STK39: variants seen among roughly 807,000 people sequenced by gnomAD.
STK39 encodes serine/threonine kinase 39, also known as STE20/SPS1-related proline-alanine-rich protein kinase.
Under a neutral mutation model 77.8 loss-of-function variants are expected in STK39, and 20 were observed. The ratio of observed to expected loss-of-function variants is 0.26; its 90% CI spans 0.18 to 0.37. The LOEUF is 0.37. Among genes scored for constraint, STK39 ranks in the 10% least tolerant of loss-of-function variants. The probability of loss-of-function intolerance (pLI) is 1.00; values close to 1 mark genes in which losing one functional copy is unlikely to be tolerated. For missense variants in STK39, 479 were observed against 656.5 expected (o/e 0.73, Z 2.95); for synonymous variants, 246 against 234.1 (o/e 1.05, Z -0.47).
intron 2 of STK39, 21 bp from the exon 3 acceptor site, chr2:168,167,428 G>T: frequency 6.2e-7 from 1 of 1,604,696 alleles, no homozygotes; most frequent in South Asian, 1.1e-5. Flanking sequence ...AGCAAAACAT[G>T]ACATAGTACC....
At chr2:168,051,512 G>C (rs1305534611) in intron 14 of STK39, among the ~76,000 whole-genome samples, 1 of 152,156 alleles carries the variant, frequency 6.6e-6, no homozygotes, top group Non-Finnish European at 1.5e-5. Context: ...GAAGACACGA[G>C]AGTCCCCAAA....
intron 16 of STK39, among the ~76,000 whole-genome samples, chr2:167,967,211 T>C (rs982158100): frequency 6.6e-6 from 1 of 152,214 alleles, no homozygotes; most frequent in Non-Finnish European, 1.5e-5. Context: ...CCTCTTGGTT[T>C]TCCCAAATAA....
At chr2:168,225,299 T>C (rs1156986962) in intron 1 of STK39, among the ~76,000 whole-genome samples, 3 of 66,730 alleles carry the variant, frequency 4.5e-5, no homozygotes, top group Admixed American at 1.2e-4. Context: ...CTGATAAAAC[T>C]ATCAAATACA....
intron 7 of STK39, among the ~76,000 whole-genome samples, chr2:168,139,485 G>A (rs1008094259): frequency 2.0e-5 from 3 of 150,948 alleles, no homozygotes; most frequent in African/African-American, 2.5e-5. Flanking sequence ...ATGAGATTAC[G>A]GATGATTGTT....
At chr2:167,962,283 T>C (rs1692004912) in intron 17 of STK39, among the ~76,000 whole-genome samples, 2 of 152,216 alleles carry the variant, frequency 1.3e-5, no homozygotes, top group Non-Finnish European at 2.9e-5. Flanking sequence ...ACCAAGTTGA[T>C]GAATGAAGGT....
intron 16 of STK39, among the ~76,000 whole-genome samples, chr2:167,988,348 G>A (rs58570538): frequency 0.031 from 4,790 of 152,134 alleles, 243 homozygotes; most frequent in East Asian, 0.21. Flanking sequence ...CCCAAATAGT[G>A]AACCGAGAGA....
intron 10 of STK39, among the ~76,000 whole-genome samples, chr2:168,080,069 AT>A (rs1686187377): frequency 6.6e-6 from 1 of 152,210 alleles, no homozygotes; most frequent in Non-Finnish European, 1.5e-5. Flanking sequence ...ATCACTTAAA[AT>A]AACTTCCTCT....
At chr2:168,229,905 G>A (rs1367131930) in intron 1 of STK39, among the ~76,000 whole-genome samples, 3 of 152,100 alleles carry the variant, frequency 2.0e-5, no homozygotes, top group East Asian at 1.9e-4. Flanking sequence ...TTTAGCAAGC[G>A]ATATACTCCT....
intron 8 of STK39, among the ~76,000 whole-genome samples, chr2:168,135,987 AT>A (rs5836172): frequency 0.011 from 1,686 of 146,630 alleles, 32 homozygotes; most frequent in African/African-American, 0.038. Flanking sequence ...CTTCTAAAGG[AT>A]TTTTTTTTTT....
intron 14 of STK39, among the ~76,000 whole-genome samples, chr2:168,061,767 T>C (rs991595295): frequency 6.6e-6 from 1 of 152,232 alleles, no homozygotes; most frequent in Non-Finnish European, 1.5e-5. Flanking sequence ...AGAACATTCC[T>C]TGCAAATATA....
chr2:168,023,419 A>G (rs1219747865), intron 14 of STK39, among the ~76,000 whole-genome samples: 1 of 152,074 alleles, frequency 6.6e-6, no homozygotes, highest in Non-Finnish European at 1.5e-5. Context: ...AATGCAGAAC[A>G]CGAACGGACA....
At chr2:168,191,858 T>C (rs1689348392) in intron 1 of STK39, among the ~76,000 whole-genome samples, 1 of 152,168 alleles carries the variant, frequency 6.6e-6, no homozygotes. Context: ...ACAGAGTTAC[T>C]CAGGAAGCTG....
intron 17 of STK39, among the ~76,000 whole-genome samples, chr2:167,962,683 G>A (rs1453180135): frequency 6.6e-6 from 1 of 152,188 alleles, no homozygotes; most frequent in Non-Finnish European, 1.5e-5. Context: ...TCAGCCAATG[G>A]AGATTCAGTC....
chr2:168,078,969 A>G (rs765648377), intron 10 of STK39, among the ~76,000 whole-genome samples: 3 of 152,140 alleles, frequency 2.0e-5, no homozygotes, highest in Non-Finnish European at 4.4e-5. Context: ...TCAAGAACCT[A>G]CTGCACCAGC....
At chr2:168,118,266 G>A (rs1401601776) in intron 10 of STK39, among the ~76,000 whole-genome samples, 1 of 152,004 alleles carries the variant, frequency 6.6e-6, no homozygotes, top group Non-Finnish European at 1.5e-5. Context: ...TTTCCCAAAG[G>A]CAAAAAGGAA....
At chr2:168,225,724 T>G (rs1690287127) in intron 1 of STK39, among the ~76,000 whole-genome samples, 1 of 152,210 alleles carries the variant, frequency 6.6e-6, no homozygotes, top group Non-Finnish European at 1.5e-5. Context: ...GATTACATTT[T>G]GCTGATTAGG....
At chr2:168,082,405 G>A (rs1412849197) in intron 10 of STK39, among the ~76,000 whole-genome samples, 2 of 152,136 alleles carry the variant, frequency 1.3e-5, no homozygotes, top group African/African-American at 4.8e-5. Context: ...TGCAAAAATG[G>A]TATCTGTCCC....
At chr2:168,135,857 C>T (rs559378098) in intron 8 of STK39, among the ~76,000 whole-genome samples, 6 of 152,116 alleles carry the variant, frequency 3.9e-5, no homozygotes, top group South Asian at 2.1e-4. Flanking sequence ...AATTAAGTTA[C>T]GGAGAAAATA....
At chr2:168,090,805 G>T (rs1686500653) in intron 10 of STK39, among the ~76,000 whole-genome samples, 1 of 152,178 alleles carries the variant, frequency 6.6e-6, no homozygotes, top group African/African-American at 2.4e-5. Context: ...TAATAGTGAT[G>T]AGTATAGGGA....
Sources: allele counts gnomAD v4.1 joint callset (sites outside exome capture counted in the v4.1 genomes callset), GRCh38; gene constraint gnomAD v4.1.1; transcripts MANE v1.5; gene names NCBI Gene and HGNC (gene_info 2026-07-23, HGNC 2026-07-21).